Variants in RMND5B observed in about 807,000 individuals in gnomAD.
RMND5B encodes required for meiotic nuclear division 5 homolog B.
RMND5B carries 42 observed loss-of-function variants against 50.4 expected under a neutral mutation model. The ratio of observed to expected loss-of-function variants is 0.83; its 90% CI spans 0.65 to 1.08. The LOEUF (loss-of-function observed/expected upper bound fraction) is 1.08, where lower values mean the gene tolerates loss of function less well. Ranked by LOEUF, RMND5B falls within the 50% of genes least tolerant of loss-of-function variation. The pLI is 0.00. For missense variants in RMND5B, 463 were observed against 508.5 expected, an observed-to-expected ratio of 0.91 and a Z score of 0.86; for synonymous variants, 220 against 210.0, an observed-to-expected ratio of 1.05 and a Z score of -0.41.
At chr5:178,147,307 G>A (rs140573442) in intron 8 of RMND5B, 2 of 575,328 alleles carry the variant, frequency 3.5e-6, no homozygotes, top group Non-Finnish European at 6.2e-6. Flanking sequence ...AGTCTTCCCT[G>A]TAGGTTCTCA....
rs147343211 is a variant in RMND5B, at chr5:178,148,528, T to A, written c.*496T>A. 1.1e-3 allele frequency: 186 copies of A among 170,040 alleles called. No homozygotes were observed. The highest frequency in any genetic ancestry group is 4.3e-3 in the African/African-American group (180 of 41,944). 10.5% of individuals were successfully genotyped at this position (170,040 alleles called of 1,614,324 possible). ...TCCCAGTTAGAACGGAATGCCGTTG[T>A]TTTATAACTTTGAACAAATGTATTT... is the stretch of plus-strand genomic sequence containing the variant. On this transcript the variant is annotated 3_prime_UTR_variant, in exon 11 of 11. Coordinates refer to ENST00000313386, the MANE Select transcript of RMND5B (RefSeq NM_022762.5).
chr5:178,144,550 G>A (rs989565897), intron 7 of RMND5B, among the ~76,000 whole-genome samples: 1 of 151,830 alleles, frequency 6.6e-6, no homozygotes, highest in African/African-American at 2.4e-5. Context: ...TGGCTAACAT[G>A]GTAAAACCCC....
At chr5:178,136,786 C>T (rs959583444) in intron 2 of RMND5B, among the ~76,000 whole-genome samples, 4 of 152,016 alleles carry the variant, frequency 2.6e-5, no homozygotes, top group Non-Finnish European at 5.9e-5. Context: ...GGTTTGCCCA[C>T]GTGTTCAGTG....
chr5:178,137,309 C>G lies in RMND5B; in HGVS notation c.-12-799C>G, dbSNP rs1043411361. Reference sequence around the variant, plus strand: ...GCTGTGTTTCCAAATATCAGCCACTCAAGGACGGCCTTTATGGTTTATGTT... The same window carrying G: ...GCTGTGTTTCCAAATATCAGCCACTGAAGGACGGCCTTTATGGTTTATGTT... On this transcript the variant is annotated intron_variant, in intron 2 of 10. Transcript: ENST00000313386. The surrounding 1 kb of genome is among the most constrained non-coding windows in gnomAD (Gnocchi z 4.4). 2.0e-5 allele frequency among the ~76,000 whole-genome samples: 3 copies of G among 152,298 alleles called. No homozygotes were observed. Among genetic ancestry groups the G allele is most frequent in the East Asian group, 3.9e-4 (2 of 5,184 alleles).
At chr5:178,132,789 C>CCA (rs1448761951) in intron 2 of RMND5B, among the ~76,000 whole-genome samples, 7 of 38,918 alleles carry the variant, frequency 1.8e-4, no homozygotes, top group African/African-American at 6.1e-4. Context: ...CCCTGCCTCA[C>CCA]AAAAAAAAAA....
chr5:178,143,060 T>G lies in RMND5B; in HGVS notation c.426+68T>G. 5 of 1,527,440 alleles carry G rather than the reference T, an allele frequency of 3.3e-6. No individual in the cohort carries two copies. In the South Asian group the frequency reaches 6.2e-5, roughly 19 times the overall value. 94.6% of individuals were successfully genotyped at this position (1,527,440 alleles called of 1,614,324 possible). ...CTTTCACCTGCTAGTTTTCACTGTA[T>G]GAAGTCCCTACCATTCTCAAATCCA... On this transcript the variant is annotated intron_variant, in intron 5 of 10. Transcript: ENST00000313386.
rs1452252772 is a variant in RMND5B at position 178,144,094 on chromosome 5, G to A, written c.680G>A (p.Arg227Gln). The change falls in exon 7 of 11, where the codon CGG (arginine) becomes CAG (glutamine). Residue 227 changes from arginine (R) to glutamine (Q), a missense_variant. Coordinates refer to ENST00000313386, the MANE Select transcript of RMND5B (RefSeq NM_022762.5). The part of the protein sequence containing the change: ...SYARHFQPFA[R>Q]LHQREIQVMM... ...GCTCGGCACTTCCAGCCCTTTGCTCGGCTGCACCAGCGGGGTGAGTGCCCA... is the reference window on the plus strand; with the variant it reads ...GCTCGGCACTTCCAGCCCTTTGCTCAGCTGCACCAGCGGGGTGAGTGCCCA... 11 of 1,613,498 alleles carry A rather than the reference G, an allele frequency of 6.8e-6. No homozygotes were observed. Among genetic ancestry groups the A allele is most frequent in the Admixed American group, 5.0e-5 (3 of 59,996 alleles).
chr5:178,150,406 C>A lies in RMND5B; in HGVS notation c.*2374C>A. ...TCTATTTTTTTTTTTTGAGACAGGG[C>A]CTCACTCTGTCATGCAGTCTGGAGT... On this transcript the variant is annotated 3_prime_UTR_variant, in exon 11 of 11. Coordinates refer to ENST00000313386, the MANE Select transcript of RMND5B (RefSeq NM_022762.5). The A allele has an allele frequency of 3.8e-6, 1 of 266,600 alleles. No homozygotes were observed. Among genetic ancestry groups the A allele is most frequent in the Non-Finnish European group, 7.5e-6 (1 of 134,014 alleles). 16.5% of individuals were successfully genotyped at this position (266,600 alleles called of 1,614,324 possible). A position where few individuals can be genotyped will look rare whatever the true frequency, so the allele number is the denominator to read the frequency against.
chr5:178,143,094 C>A, intron 5 of RMND5B, 102 bp downstream of exon 5: 1 of 1,375,144 alleles, frequency 7.3e-7, no homozygotes, highest in Non-Finnish European at 9.8e-7. Context: ...CATTTATTTC[C>A]TAAAGGAAAT....
At position 178,131,234 on chromosome 5, in the gene RMND5B, C is replaced by T. The variant is rs1270087610; in HGVS notation, c.-152-3C>T. 2.0e-5 allele frequency: 3 copies of T among 151,986 alleles called. No individual in the cohort carries two copies. Among genetic ancestry groups the T allele is most frequent in the Non-Finnish European group, 2.9e-5 (2 of 67,980 alleles). The allele number at this position is 151,986 out of a possible 1,614,324, so 9.4% of individuals were successfully genotyped here. On this transcript the variant is annotated splice_polypyrimidine_tract_variant and splice_region_variant and intron_variant, in intron 1 of 10. Coordinates refer to ENST00000313386, the MANE Select transcript of RMND5B (RefSeq NM_022762.5). ...TCTGCCCTTGGGCTTGTTCTCTTCG[C>T]AGTTGTCGGCCCTGGGCCGGGAGCT...
chr5:178,147,598 A>G lies in RMND5B; in HGVS notation c.926A>G (p.Gln309Arg), dbSNP rs1756091281. Reference protein sequence around the residue: ...MNIKAVIEQRQCTGVWNHKDE... With the variant: ...MNIKAVIEQRRCTGVWNHKDE... The stretch of plus-strand genomic sequence containing the variant: ...ATCAAGGCTGTGATTGAGCAGCGGC[A>G]GTGCACTGGGGTCTGGAATCACAAG... The change falls in exon 9 of 11, where the codon CAG becomes CGG. Residue 309 changes from glutamine to arginine, a missense_variant. Transcript: ENST00000313386. 1 of 1,614,036 alleles carries G rather than the reference A, an allele frequency of 6.2e-7. No homozygotes were observed. Among genetic ancestry groups the G allele is most frequent in the Non-Finnish European group, 8.5e-7 (1 of 1,180,016 alleles).
In RMND5B at chr5:178,131,341, G is replaced by GTCC; in HGVS notation, c.-45_-43dup. 1 of 152,378 alleles carries GTCC rather than the reference G, an allele frequency of 6.6e-6. No individual in the cohort carries two copies. The highest frequency in any genetic ancestry group is 1.9e-4 in the East Asian group (1 of 5,160). 9.4% of individuals were successfully genotyped at this position (152,378 alleles called of 1,614,324 possible). On this transcript the variant is annotated 5_prime_UTR_variant, in exon 2 of 11. Coordinates refer to ENST00000313386, the MANE Select transcript of RMND5B (RefSeq NM_022762.5). Reference sequence around the variant, plus strand: ...GGAGTTGCTCGGACTCAAACGTCCAGTCCTCGTGCGACCGCGCTGGGTCGG... The same window carrying GTCC: ...GGAGTTGCTCGGACTCAAACGTCCAGTCCTCCTCGTGCGACCGCGCTGGGTCGG...
chr5:178,140,620 A>G (rs1440982246), intron 3 of RMND5B, among the ~76,000 whole-genome samples: 1 of 151,972 alleles, frequency 6.6e-6, no homozygotes, highest in African/African-American at 2.4e-5. Context: ...ACTCGAGCCC[A>G]GGAGGTTGAG....
intron 2 of RMND5B, chr5:178,136,169 T>G (rs746043464): frequency 3.3e-5 from 5 of 152,220 alleles, no homozygotes; most frequent in Non-Finnish European, 5.9e-5. Flanking sequence ...GCAACTGATT[T>G]AATCTTTGTG....
chr5:178,147,189 G>A (rs1476585635), intron 8 of RMND5B: 2 of 298,434 alleles, frequency 6.7e-6, no homozygotes, highest in East Asian at 7.5e-5. Flanking sequence ...AGCAGGGTAC[G>A]TCCTACAGGC....
In RMND5B at chr5:178,148,867, G is replaced by A. The variant is rs1419305483; in HGVS notation, c.*835G>A. On this transcript the variant is annotated 3_prime_UTR_variant, in exon 11 of 11. Transcript: ENST00000313386. ...AACAGGGCTCACAGCTTAGAAAGGAGAGAGCTTGGAGTTTTAACCAGATCT... is the reference window on the plus strand; with the variant it reads ...AACAGGGCTCACAGCTTAGAAAGGAAAGAGCTTGGAGTTTTAACCAGATCT... The A allele has an allele frequency of 6.6e-6, 1 of 152,330 alleles. No individual in the cohort carries two copies. The highest frequency in any genetic ancestry group is 2.4e-5 in the African/African-American group (1 of 41,446). 9.4% of individuals were successfully genotyped at this position (152,330 alleles called of 1,614,324 possible). A position where few individuals can be genotyped will look rare whatever the true frequency, so the allele number is the denominator to read the frequency against.
chr5:178,137,315 C>T lies in RMND5B; in HGVS notation c.-12-793C>T, dbSNP rs191373859. ...TTTCCAAATATCAGCCACTCAAGGACGGCCTTTATGGTTTATGTTACTATA... is the reference window on the plus strand; with the variant it reads ...TTTCCAAATATCAGCCACTCAAGGATGGCCTTTATGGTTTATGTTACTATA... On this transcript the variant is annotated intron_variant, in intron 2 of 10. Coordinates refer to ENST00000313386, the MANE Select transcript of RMND5B (RefSeq NM_022762.5). This position sits in a 1 kb window ranked among gnomAD's most constrained non-coding sequence, Gnocchi z 4.4. Among the ~76,000 whole-genome samples the T allele has an allele frequency of 1.1e-4, 17 of 152,288 alleles. No homozygotes were observed. In the East Asian group the frequency reaches 1.2e-3, roughly 10 times the overall value.
chr5:178,145,422 G>T (rs535453675), intron 7 of RMND5B, among the ~76,000 whole-genome samples: 1 of 151,414 alleles, frequency 6.6e-6, no homozygotes, highest in South Asian at 2.1e-4. Flanking sequence ...GGAAGCGGAG[G>T]CTGCAGTGAA....
intron 7 of RMND5B, 50 bp downstream of exon 7, chr5:178,144,158 G>A (rs776251861): frequency 9.5e-6 from 15 of 1,581,876 alleles, no homozygotes; most frequent in Non-Finnish European, 1.2e-5. Flanking sequence ...ACACATGTCT[G>A]GATGTGGTAG....
Sources: gnomAD v4.1 joint callset for allele counts (sites outside exome capture counted in the v4.1 genomes callset) on GRCh38, gnomAD v4.1.1 for gene constraint, Gnocchi (gnomAD v3.1) non-coding constraint, MANE v1.5 for transcripts, NCBI Gene and HGNC (gene_info 2026-07-23, HGNC 2026-07-21) for gene names.